Variants in ATP2B2 observed in about 807,000 individuals in gnomAD.
ATP2B2 encodes the protein plasma membrane calcium-transporting ATPase 2.
A neutral mutation model predicts 120.0 loss-of-function variants in ATP2B2; 15 were observed. The observed-to-expected ratio is 0.12, with a 90% CI of 0.08 to 0.19. The LOEUF is 0.19. ATP2B2 is among the 10% of genes least tolerant of loss of function. The pLI, the probability that ATP2B2 is intolerant of heterozygous loss-of-function variation, is 1.00. For synonymous variants in ATP2B2, 694 were observed against 700.3 expected (o/e 0.99, Z 0.14); for missense variants, 1,045 against 1,719.8 (o/e 0.61, Z 6.94).
rs185774971 is a variant in ATP2B2 at position 10,429,341 on chromosome 3, G to T, written c.200-18526C>A. Among the ~76,000 whole-genome samples the T allele has an allele frequency of 1.2e-4, 19 of 152,300 alleles. No homozygotes were observed. In the East Asian group the frequency reaches 3.7e-3, roughly 29 times the overall value. ...CAAATTGAAGGTTTGCGGCAACCCT[G>T]CATTGAGCAAGTCTATAGGTGCCAT... On this transcript the variant is annotated intron_variant, in intron 2 of 22. Transcript: ENST00000360273.
At chr3:10,595,468 T>C (rs569538685) in intron 2 of ATP2B2, among the ~76,000 whole-genome samples, 8 of 152,344 alleles carry the variant, frequency 5.3e-5, no homozygotes, top group South Asian at 4.1e-4. Flanking sequence ...GGCATTATCA[T>C]TTTCCATCTT....
chr3:10,485,703 C>T (rs1007802336), intron 1 of ATP2B2, among the ~76,000 whole-genome samples: 11 of 152,166 alleles, frequency 7.2e-5, no homozygotes, highest in Admixed American at 1.3e-4. Flanking sequence ...TGCAGAGAAT[C>T]GCAAAGCCTG....
intron 1 of ATP2B2, among the ~76,000 whole-genome samples, chr3:10,702,769 T>G (rs1300084240): frequency 1.3e-5 from 2 of 152,210 alleles, no homozygotes; most frequent in African/African-American, 2.4e-5. Flanking sequence ...TATGTTACAG[T>G]GTCACAGTAT....
intron 1 of ATP2B2, among the ~76,000 whole-genome samples, chr3:10,475,282 T>G (rs376821715): frequency 1.3e-5 from 2 of 152,338 alleles, no homozygotes; most frequent in African/African-American, 4.8e-5. Flanking sequence ...GGAAATCAAG[T>G]AGCACATGGG....
intron 1 of ATP2B2, among the ~76,000 whole-genome samples, chr3:10,706,227 G>A (rs1415970317): frequency 6.6e-6 from 1 of 152,174 alleles, no homozygotes; most frequent in Admixed American, 6.5e-5. Context: ...TCACCCCTCT[G>A]CCATCTCCTC....
At chr3:10,334,539 G>A (rs1173073654) in intron 22 of ATP2B2, among the ~76,000 whole-genome samples, 1 of 152,174 alleles carries the variant, frequency 6.6e-6, no homozygotes, top group Non-Finnish European at 1.5e-5. Flanking sequence ...AATCCTGGCA[G>A]TGACTGCCTA....
chr3:10,627,531 G>A (rs146450796), intron 1 of ATP2B2, among the ~76,000 whole-genome samples: 33 of 152,204 alleles, frequency 2.2e-4, no homozygotes, highest in African/African-American at 7.9e-4. Context: ...ATGTGACCCT[G>A]GGCCAGTTCT....
intron 2 of ATP2B2, among the ~76,000 whole-genome samples, chr3:10,617,117 T>C (rs1282372740): frequency 6.6e-6 from 1 of 152,224 alleles, no homozygotes; most frequent in East Asian, 1.9e-4. Flanking sequence ...TTCCTATTGT[T>C]AACTAATATA....
At chr3:10,653,742 G>T (rs927167425) in intron 1 of ATP2B2, among the ~76,000 whole-genome samples, 8 of 152,080 alleles carry the variant, frequency 5.3e-5, no homozygotes, top group Non-Finnish European at 8.8e-5. Flanking sequence ...CCTTTTCAGA[G>T]GGGGAAACCT....
chr3:10,439,177 C>T (rs765426814), intron 2 of ATP2B2, among the ~76,000 whole-genome samples: 1 of 152,248 alleles, frequency 6.6e-6, no homozygotes, highest in African/African-American at 2.4e-5. Flanking sequence ...GAGTCAGCCA[C>T]CCTTTGACCC....
rs893610785 is a variant in ATP2B2, at chr3:10,533,582, C to A, written c.-320+457G>T. Among the ~76,000 whole-genome samples the A allele has an allele frequency of 2.6e-5, 4 of 152,186 alleles. No individual in the cohort carries two copies. The East Asian group carries it at 5.8e-4, about 22-fold the overall frequency. On this transcript the variant is annotated intron_variant, in intron 3 of 21. Transcript: ENST00000646379. ...CTTAGCACATGTCCCAGTAAGCCCA[C>A]CTGACTACCCCAGCTCCAACGCTTC...
At chr3:10,438,631 A>G (rs938320784) in intron 2 of ATP2B2, among the ~76,000 whole-genome samples, 2 of 152,184 alleles carry the variant, frequency 1.3e-5, no homozygotes, top group African/African-American at 4.8e-5. Context: ...AGGGGCCTGG[A>G]TTGCACCAGG....
In ATP2B2 at chr3:10,449,767, C is replaced by T. The variant is rs373709962; in HGVS notation, c.-224G>A. On this transcript the variant is annotated 5_prime_UTR_variant, in exon 2 of 23. Coordinates refer to ENST00000360273, the MANE Select transcript of ATP2B2 (RefSeq NM_001001331.4). ...CCGGTGTGGGACGAGGTCCAGGGGC[C>T]GGAGGGGCTCAGGGCTGTAGACCCA... The T allele has an allele frequency of 3.6e-5, 22 of 618,458 alleles. 1 individual carries two copies. Among genetic ancestry groups the T allele is most frequent in the African/African-American group, 1.5e-4 (8 of 55,094 alleles). 38.3% of individuals were successfully genotyped at this position (618,458 alleles called of 1,614,324 possible).
At chr3:10,697,879 C>T (rs111830095) in intron 1 of ATP2B2, among the ~76,000 whole-genome samples, 22 of 152,328 alleles carry the variant, frequency 1.4e-4, no homozygotes, top group African/African-American at 5.1e-4. Flanking sequence ...CAATACCTAC[C>T]ACGTGCCTTG....
intron 10 of ATP2B2, among the ~76,000 whole-genome samples, chr3:10,377,000 A>T (rs982842922): frequency 6.6e-6 from 1 of 152,118 alleles, no homozygotes; most frequent in Non-Finnish European, 1.5e-5. Context: ...CTGTCAATAG[A>T]TCCCCTGCCT....
chr3:10,477,045 G>C lies in ATP2B2; in HGVS notation c.-319-27183C>G, dbSNP rs76687653. 3.8e-3 allele frequency among the ~76,000 whole-genome samples: 573 copies of C among 152,346 alleles called. 5 individuals carry two copies. Among genetic ancestry groups the C allele is most frequent in the African/African-American group, 0.013 (552 of 41,584 alleles). On this transcript the variant is annotated intron_variant, in intron 1 of 22. Transcript: ENST00000360273. ...AGGTGACCTGAGGTAGGCTCCAAATGCAGATTTTGGCTTGAAATGTTAGCT... is the reference window on the plus strand; with the variant it reads ...AGGTGACCTGAGGTAGGCTCCAAATCCAGATTTTGGCTTGAAATGTTAGCT...
At chr3:10,480,533 T>C (rs1042515537) in intron 1 of ATP2B2, among the ~76,000 whole-genome samples, 2 of 152,190 alleles carry the variant, frequency 1.3e-5, no homozygotes, top group Non-Finnish European at 2.9e-5. Flanking sequence ...GCCCCGCGCC[T>C]ATGTGGGACT....
At chr3:10,653,958 C>T (rs578050296) in intron 1 of ATP2B2, among the ~76,000 whole-genome samples, 3 of 152,230 alleles carry the variant, frequency 2.0e-5, no homozygotes, top group Admixed American at 6.5e-5. Flanking sequence ...TTCTGTGAGG[C>T]CTTCTTGATA....
chr3:10,656,358 G>A (rs6796464), intron 1 of ATP2B2, among the ~76,000 whole-genome samples: 33,154 of 151,884 alleles, frequency 0.22, 6,008 homozygotes, highest in African/African-American at 0.49. Context: ...CAGCCAACCT[G>A]TCTAGCTCTC....
Sources: allele counts gnomAD v4.1 joint callset (sites outside exome capture counted in the v4.1 genomes callset), GRCh38; gene constraint gnomAD v4.1.1; transcripts MANE v1.5; gene names NCBI Gene and HGNC (gene_info 2026-07-23, HGNC 2026-07-21).